Variants in CSMD1 observed in about 807,000 individuals in gnomAD.
The protein encoded by CSMD1 is CUB and sushi domain-containing protein 1.
In CSMD1, 213 loss-of-function variants were observed where a neutral mutation model predicts 417.5. That is an observed-to-expected ratio of 0.51 (90% CI 0.46 to 0.57). The LOEUF is 0.57. Among genes scored for constraint, CSMD1 ranks in the 20% least tolerant of loss-of-function variants. The pLI, the probability that CSMD1 is intolerant of heterozygous loss-of-function variation, is 0.00. For missense variants in CSMD1, 6,923 were observed against 4,529.7 expected (o/e 1.53, Z -15.17); for synonymous variants, 2,862 against 1,736.8 (o/e 1.65, Z -16.11).
intron 3 of CSMD1, among the ~76,000 whole-genome samples, chr8:4,202,871 T>C (rs945246822): frequency 6.6e-6 from 1 of 151,990 alleles, no homozygotes; most frequent in Non-Finnish European, 1.5e-5. Flanking sequence ...ACCTGAGAAA[T>C]AGAGGGTGTC....
intron 9 of CSMD1, among the ~76,000 whole-genome samples, chr8:3,578,869 A>T (rs1389010778): frequency 6.6e-6 from 1 of 152,214 alleles, no homozygotes; most frequent in African/African-American, 2.4e-5. Flanking sequence ...TAACTACAGT[A>T]TACCAGTGCC....
intron 7 of CSMD1, among the ~76,000 whole-genome samples, chr8:3,648,972 T>C (rs1009645124): frequency 1.3e-5 from 2 of 152,128 alleles, no homozygotes; most frequent in Non-Finnish European, 2.9e-5. Context: ...GCCCTGTGCA[T>C]GGTGTTTGAG....
intron 3 of CSMD1, among the ~76,000 whole-genome samples, chr8:4,047,976 C>G (rs1798235462): frequency 6.6e-6 from 1 of 152,122 alleles, no homozygotes; most frequent in Non-Finnish European, 1.5e-5. Flanking sequence ...GGCCTTGTTT[C>G]TTTTCATCCT....
chr8:4,467,453 A>C (rs980069958), intron 2 of CSMD1, among the ~76,000 whole-genome samples: 2 of 152,208 alleles, frequency 1.3e-5, no homozygotes, highest in African/African-American at 2.4e-5. Flanking sequence ...CTAAACCGTT[A>C]ATCTTGGCTG....
rs138430858 is a variant in CSMD1, at chr8:4,363,308, A to T, written c.415+56645T>A. Among the ~76,000 whole-genome samples the T allele has an allele frequency of 3.0e-3, 454 of 152,272 alleles. 2 individuals carry two copies. The highest frequency in any genetic ancestry group is 5.1e-3 in the Non-Finnish European group (347 of 68,012). On this transcript the variant is annotated intron_variant, in intron 3 of 69. Transcript: ENST00000635120. ...AAGTTTTTCCCTCCTGCCCGTCATG[A>T]AATTCTATACTACAGGTACCCTGCA...
In CSMD1 at chr8:3,328,191, C is replaced by T. The variant is rs973741873; in HGVS notation, c.3631+15103G>A. Among the ~76,000 whole-genome samples the T allele has an allele frequency of 3.9e-5, 6 of 152,282 alleles. No individual in the cohort carries two copies. The East Asian group carries it at 9.7e-4, about 25-fold the overall frequency. On this transcript the variant is annotated intron_variant, in intron 23 of 69. Coordinates refer to ENST00000635120, the MANE Select transcript of CSMD1 (RefSeq NM_033225.6). ...TTCTTGGATGCATCTCTAATTAAAC[C>T]GATGCCTCCTTCTGTGTCTGAGCCT...
chr8:4,528,021 C>G (rs917498873), intron 2 of CSMD1, among the ~76,000 whole-genome samples: 1 of 152,154 alleles, frequency 6.6e-6, no homozygotes, highest in Admixed American at 6.5e-5. Flanking sequence ...GGGATCATGT[C>G]AGTGCTTTGG....
intron 5 of CSMD1, among the ~76,000 whole-genome samples, chr8:3,935,672 G>C (rs1374437584): frequency 6.6e-6 from 1 of 152,142 alleles, no homozygotes. Flanking sequence ...ATAAATGTGT[G>C]TGTTCTGACT....
At chr8:3,389,305 T>G (rs1197974020) in intron 17 of CSMD1, among the ~76,000 whole-genome samples, 2 of 152,102 alleles carry the variant, frequency 1.3e-5, no homozygotes, top group Non-Finnish European at 1.5e-5. Context: ...TGTGTGTTGT[T>G]CCCTCTATGT....
chr8:4,948,807 C>A (rs1040206184), intron 1 of CSMD1, among the ~76,000 whole-genome samples: 2 of 151,990 alleles, frequency 1.3e-5, no homozygotes, highest in African/African-American at 4.8e-5. Flanking sequence ...TTCCCTTATT[C>A]CCCTAGAATG....
At chr8:3,942,069 G>A (rs1480244265) in intron 5 of CSMD1, among the ~76,000 whole-genome samples, 10 of 151,896 alleles carry the variant, frequency 6.6e-5, no homozygotes, top group African/African-American at 2.4e-4. Flanking sequence ...GCATGCAAGG[G>A]ATCTAGGTTT....
chr8:4,349,287 C>A (rs995266002), intron 3 of CSMD1, among the ~76,000 whole-genome samples: 1 of 152,126 alleles, frequency 6.6e-6, no homozygotes, highest in African/African-American at 2.4e-5. Flanking sequence ...ATTTTTGCAG[C>A]AGTGGAAAGC....
chr8:4,466,147 G>C (rs554293055), intron 2 of CSMD1, among the ~76,000 whole-genome samples: 7 of 152,134 alleles, frequency 4.6e-5, no homozygotes, highest in Non-Finnish European at 8.8e-5. Flanking sequence ...ATGAAATATT[G>C]TGAGAGAGTC....
rs201974958 is a variant in CSMD1 at position 2,942,952 on chromosome 8, T to G, written c.10403-348A>C. Among the ~76,000 whole-genome samples, 13 of 152,312 alleles carry G rather than the reference T, an allele frequency of 8.5e-5. No individual in the cohort carries two copies. In the East Asian group the frequency reaches 2.5e-3, roughly 29 times the overall value. On this transcript the variant is annotated intron_variant, in intron 68 of 69. Transcript: ENST00000635120. ...TATGTATTTTTTCTATATTCAGAGG[T>G]CAATAATATTTGCTGTTTTTTCAGG...
At chr8:3,542,846 A>G (rs934145155) in intron 10 of CSMD1, among the ~76,000 whole-genome samples, 4 of 152,222 alleles carry the variant, frequency 2.6e-5, no homozygotes, top group Non-Finnish European at 5.9e-5. Context: ...TACAAAGCCC[A>G]GGGAGAGCTG....
At chr8:4,151,487 A>C (rs796551193) in intron 3 of CSMD1, among the ~76,000 whole-genome samples, 2 of 152,360 alleles carry the variant, frequency 1.3e-5, no homozygotes, top group African/African-American at 4.8e-5. Context: ...CAAACACATT[A>C]TACAGAAGTG....
chr8:3,381,161 A>C lies in CSMD1; in HGVS notation c.2782+6333T>G, dbSNP rs888330234. ...AGGGTGCGTTCACCCATCACCTTACATTCAGAGTACTACAACTTTTCAATC... is the reference window on the plus strand; with the variant it reads ...AGGGTGCGTTCACCCATCACCTTACCTTCAGAGTACTACAACTTTTCAATC... On this transcript the variant is annotated intron_variant, in intron 18 of 69. Transcript: ENST00000635120. 7.2e-5 allele frequency among the ~76,000 whole-genome samples: 11 copies of C among 152,168 alleles called. 1 individual carries two copies. Among genetic ancestry groups the C allele is most frequent in the Admixed American group, 7.2e-4 (11 of 15,270 alleles).
intron 3 of CSMD1, among the ~76,000 whole-genome samples, chr8:4,123,704 C>A (rs1183909335): frequency 6.6e-6 from 1 of 152,102 alleles, no homozygotes; most frequent in Admixed American, 6.5e-5. Context: ...GGTTTTATCA[C>A]ATTTGGAAGA....
At chr8:4,554,168 G>T (rs935290617) in intron 2 of CSMD1, among the ~76,000 whole-genome samples, 2 of 152,030 alleles carry the variant, frequency 1.3e-5, no homozygotes, top group Admixed American at 6.6e-5. Flanking sequence ...GCAGAGTCTC[G>T]ATCTGTCGCC....
Sources: gnomAD v4.1 joint callset for allele counts (sites outside exome capture counted in the v4.1 genomes callset) on GRCh38, gnomAD v4.1.1 for gene constraint, MANE v1.5 for transcripts, NCBI Gene and HGNC (gene_info 2026-07-23, HGNC 2026-07-21) for gene names.